COMMD10: variants seen among roughly 807,000 people sequenced by gnomAD.
COMMD10 encodes COMM domain containing 10.
Under a neutral mutation model 28.9 loss-of-function variants are expected in COMMD10, and 33 were observed. The ratio of observed to expected loss-of-function variants is 1.14; its 90% confidence interval spans 0.87 to 1.53. The LOEUF is 1.53. Ranked by LOEUF, COMMD10 falls within the 40% of genes most tolerant of loss-of-function variation. The probability of loss-of-function intolerance (pLI) is 0.00; values close to 1 mark genes in which losing one functional copy is unlikely to be tolerated. For missense variants in COMMD10, 310 were observed against 233.4 expected (o/e 1.33, Z -2.14); for synonymous variants, 110 against 81.7 (o/e 1.35, Z -1.87).
rs1037526438 is a variant in COMMD10, at chr5:116,275,995, G to A, written c.511-15522G>A. ...ATATGGTACTACCCTTGACCTTAAG[G>A]AACACACTATGTTTTGGAAGCCTTC... On this transcript the variant is annotated intron_variant, in intron 5 of 6. Transcript: ENST00000274458. Among the ~76,000 whole-genome samples, 3 of 150,650 alleles carry A rather than the reference G, an allele frequency of 2.0e-5. 1 individual carries two copies. The highest frequency in any genetic ancestry group is 1.3e-4 in the Admixed American group (2 of 15,068).
intron 4 of COMMD10, among the ~76,000 whole-genome samples, chr5:116,107,147 T>C (rs1750866210): frequency 6.6e-6 from 1 of 152,160 alleles, no homozygotes; most frequent in Non-Finnish European, 1.5e-5. Context: ...ATCTGACGAT[T>C]ATGTGTCTCG....
intron 5 of COMMD10, among the ~76,000 whole-genome samples, chr5:116,263,105 C>T (rs887858951): frequency 2.0e-5 from 3 of 151,686 alleles, no homozygotes; most frequent in East Asian, 1.9e-4. Flanking sequence ...AAGTTCTTCA[C>T]GAATATATAA....
At chr5:116,150,199 C>G (rs1312155644) in intron 5 of COMMD10, among the ~76,000 whole-genome samples, 1 of 152,124 alleles carries the variant, frequency 6.6e-6, no homozygotes, top group Non-Finnish European at 1.5e-5. Context: ...GGGCTCTGTT[C>G]TGTTCCATTG....
intron 5 of COMMD10, among the ~76,000 whole-genome samples, chr5:116,207,945 A>T (rs1308880179): frequency 6.6e-6 from 1 of 152,088 alleles, no homozygotes; most frequent in Non-Finnish European, 1.5e-5. Flanking sequence ...GGAATAAGAG[A>T]CCTTCATATT....
At chr5:116,200,830 G>A (rs1748647147) in intron 5 of COMMD10, among the ~76,000 whole-genome samples, 1 of 152,016 alleles carries the variant, frequency 6.6e-6, no homozygotes, top group African/African-American at 2.4e-5. Flanking sequence ...AGAGCCCTTA[G>A]CATATTAATC....
chr5:116,193,737 T>C (rs1748433477), intron 5 of COMMD10, among the ~76,000 whole-genome samples: 1 of 151,896 alleles, frequency 6.6e-6, no homozygotes, highest in Non-Finnish European at 1.5e-5. Context: ...ACTTCAGTAC[T>C]CCACTGACGG....
chr5:116,146,534 A>C (rs1163584987), intron 5 of COMMD10, among the ~76,000 whole-genome samples: 1 of 151,958 alleles, frequency 6.6e-6, no homozygotes, highest in East Asian at 1.9e-4. Context: ...TTTTCTTATG[A>C]GTAATTTGCA....
At chr5:116,197,405 A>G (rs1256031382) in intron 5 of COMMD10, among the ~76,000 whole-genome samples, 1 of 152,122 alleles carries the variant, frequency 6.6e-6, no homozygotes, top group East Asian at 1.9e-4. Flanking sequence ...TTTTGGAGAT[A>G]TGATCTTGCC....
intron 5 of COMMD10, among the ~76,000 whole-genome samples, chr5:116,234,553 T>G (rs1025208853): frequency 2.0e-5 from 3 of 152,144 alleles, no homozygotes; most frequent in African/African-American, 7.2e-5. Flanking sequence ...TCATGAATGA[T>G]GTAGACTGCT....
intron 4 of COMMD10, among the ~76,000 whole-genome samples, chr5:116,127,135 C>G (rs1209808928): frequency 1.3e-5 from 2 of 152,122 alleles, no homozygotes; most frequent in Admixed American, 6.5e-5. Flanking sequence ...AGACACTTCT[C>G]AAAAGAAGAC....
At chr5:116,092,764 A>T in intron 4 of COMMD10, 64 bp downstream of exon 4, 1 of 1,203,640 alleles carries the variant, frequency 8.3e-7, no homozygotes, top group Non-Finnish European at 1.1e-6. Flanking sequence ...TTATACCTGA[A>T]GAGTTTTTAA....
At chr5:116,112,671 G>T in intron 4 of COMMD10, among the ~76,000 whole-genome samples, 1 of 152,150 alleles carries the variant, frequency 6.6e-6, no homozygotes, top group South Asian at 2.1e-4. Context: ...TGGGATTACA[G>T]GCATGAGCCA....
At chr5:116,247,243 G>A (rs1186580815) in intron 5 of COMMD10, among the ~76,000 whole-genome samples, 8 of 152,050 alleles carry the variant, frequency 5.3e-5, no homozygotes, top group Non-Finnish European at 1.2e-4. Flanking sequence ...CTGATTATTA[G>A]AGAAATGCAA....
intron 4 of COMMD10, among the ~76,000 whole-genome samples, chr5:116,123,979 C>T (rs10040031): frequency 0.82 from 124,671 of 151,686 alleles, 51,379 homozygotes; most frequent in African/African-American, 0.85. Flanking sequence ...TTAATCTTGC[C>T]AGCAGTCTAT....
chr5:116,230,365 G>A (rs1000790469), intron 5 of COMMD10, among the ~76,000 whole-genome samples: 1 of 151,804 alleles, frequency 6.6e-6, no homozygotes, highest in Non-Finnish European at 1.5e-5. Flanking sequence ...TAACCCCATA[G>A]CTCTTGAACA....
chr5:116,199,697 G>T (rs1206841583), intron 5 of COMMD10, among the ~76,000 whole-genome samples: 1 of 152,012 alleles, frequency 6.6e-6, no homozygotes, highest in Non-Finnish European at 1.5e-5. Context: ...AACATTTCTT[G>T]TGAGGCAGGT....
At chr5:116,098,544 G>A (rs139337326) in intron 4 of COMMD10, among the ~76,000 whole-genome samples, 1 of 152,292 alleles carries the variant, frequency 6.6e-6, no homozygotes, top group East Asian at 1.9e-4. Flanking sequence ...GAAATGATGT[G>A]TTGTCATTGT....
At chr5:116,253,347 G>C (rs558193286) in intron 5 of COMMD10, among the ~76,000 whole-genome samples, 21 of 147,470 alleles carry the variant, frequency 1.4e-4, no homozygotes, top group African/African-American at 5.4e-4. Flanking sequence ...AATAGGAGTG[G>C]TGAGAGAGGG....
At chr5:116,250,722 G>C (rs1207831117) in intron 5 of COMMD10, among the ~76,000 whole-genome samples, 1 of 151,936 alleles carries the variant, frequency 6.6e-6, no homozygotes, top group African/African-American at 2.4e-5. Context: ...GAACTGATCA[G>C]CCTGCCTGAA....
Sources: gnomAD v4.1 joint callset for allele counts (sites outside exome capture counted in the v4.1 genomes callset) on GRCh38, gnomAD v4.1.1 for gene constraint, MANE v1.5 for transcripts, NCBI Gene and HGNC (gene_info 2026-07-23, HGNC 2026-07-21) for gene names.